The following ADGRL4 variants were observed in gnomAD, a reference collection of about 807,000 sequenced individuals.
The protein encoded by ADGRL4 is adhesion G protein-coupled receptor L4.
ADGRL4 carries 90 observed loss-of-function variants against 74.8 expected under a neutral mutation model. The observed-to-expected ratio is 1.20, with a 90% confidence interval of 1.02 to 1.43. ADGRL4 has a LOEUF of 1.43. Ranked by LOEUF, ADGRL4 falls within the 40% of genes most tolerant of loss-of-function variation. The probability of loss-of-function intolerance (pLI) is 0.00; values close to 1 mark genes in which losing one functional copy is unlikely to be tolerated. For missense variants in ADGRL4, 881 were observed against 814.3 expected (o/e 1.08, Z -1.00); for synonymous variants, 311 against 279.2 (o/e 1.11, Z -1.14).
intron 12 of ADGRL4, among the ~76,000 whole-genome samples, chr1:78,916,061 G>A (rs1204352182): frequency 6.6e-6 from 1 of 151,788 alleles, no homozygotes; most frequent in African/African-American, 2.4e-5. Context: ...CTAGAACAAT[G>A]TGACAGTGTT....
chr1:78,976,927 T>C (rs1414769660), intron 2 of ADGRL4, among the ~76,000 whole-genome samples: 3 of 151,836 alleles, frequency 2.0e-5, no homozygotes, highest in Non-Finnish European at 4.4e-5. Flanking sequence ...TTTTATCCTA[T>C]GAAGCCATCA....
chr1:78,894,987 C>T (rs1195448238), intron 12 of ADGRL4, among the ~76,000 whole-genome samples: 1 of 151,912 alleles, frequency 6.6e-6, no homozygotes, highest in Non-Finnish European at 1.5e-5. Flanking sequence ...ACATCACATG[C>T]TGAACTAGTG....
At chr1:78,922,009 CA>C (rs1340076873) in intron 8 of ADGRL4, among the ~76,000 whole-genome samples, 8 of 151,920 alleles carry the variant, frequency 5.3e-5, no homozygotes, top group African/African-American at 1.9e-4. Flanking sequence ...ATTTTCATTA[CA>C]GTAAATTACT....
chr1:78,896,129 T>C (rs1329561688), intron 12 of ADGRL4, among the ~76,000 whole-genome samples: 1 of 151,886 alleles, frequency 6.6e-6, no homozygotes, highest in Non-Finnish European at 1.5e-5. Context: ...CTTCCCTTTG[T>C]TTACTATACT....
At chr1:78,936,123 C>CAAAAAA (rs34223643) in intron 7 of ADGRL4, among the ~76,000 whole-genome samples, 172 bp downstream of exon 7, 4 of 19,332 alleles carry the variant, frequency 2.1e-4, no homozygotes, top group African/African-American at 3.3e-4. Flanking sequence ...GACTCCGTCT[C>CAAAAAA]AAAAAAAAAA....
At chr1:78,949,107 TG>T (rs1434153108) in intron 2 of ADGRL4, among the ~76,000 whole-genome samples, 2 of 152,132 alleles carry the variant, frequency 1.3e-5, no homozygotes, top group African/African-American at 2.4e-5. Context: ...CGATGAGGAT[TG>T]TATCCCTTGT....
chr1:78,902,103 A>G (rs939872405), intron 12 of ADGRL4, among the ~76,000 whole-genome samples: 3 of 152,182 alleles, frequency 2.0e-5, no homozygotes, highest in Non-Finnish European at 2.9e-5. Flanking sequence ...TAAACTCTTG[A>G]GATTTATACT....
chr1:78,969,818 T>C (rs1038393589), intron 2 of ADGRL4, among the ~76,000 whole-genome samples: 6 of 151,986 alleles, frequency 3.9e-5, no homozygotes, highest in African/African-American at 1.4e-4. Flanking sequence ...CATTTTAGAG[T>C]AACCCTTCTT....
chr1:78,946,546 T>C lies in ADGRL4; in HGVS notation c.173-120A>G, dbSNP rs752243044. On this transcript the variant is annotated intron_variant, in intron 2 of 14. Coordinates refer to ENST00000370742, the MANE Select transcript of ADGRL4 (RefSeq NM_022159.4). ...GTTTAAGGTATGTGATGTTTATATC[T>C]ACAAACCTTAGTGCTAAAGAATCCA... The C allele has an allele frequency of 8.0e-4, 610 of 766,632 alleles. 3 individuals carry two copies. Among genetic ancestry groups the C allele is most frequent in the South Asian group, 2.3e-3 (110 of 48,314 alleles). 47.5% of individuals were successfully genotyped at this position (766,632 alleles called of 1,614,324 possible).
intron 2 of ADGRL4, 136 bp from the exon 3 acceptor site, chr1:78,946,562 A>G (rs1330678899): frequency 1.5e-6 from 1 of 661,140 alleles, no homozygotes; most frequent in Non-Finnish European, 2.4e-6. Flanking sequence ...CCTTAGTGCT[A>G]AAGAATCCAT....
intron 7 of ADGRL4, among the ~76,000 whole-genome samples, chr1:78,932,406 T>C (rs916480633): frequency 1.3e-5 from 2 of 151,328 alleles, no homozygotes; most frequent in Non-Finnish European, 2.9e-5. Flanking sequence ...ACCAGATCTC[T>C]GGGACACAGT....
chr1:78,903,180 G>A (rs1285713538), intron 12 of ADGRL4, among the ~76,000 whole-genome samples: 3 of 152,114 alleles, frequency 2.0e-5, no homozygotes, highest in African/African-American at 7.2e-5. Flanking sequence ...GTTCCTCAAG[G>A]TGGAGGAATC....
At chr1:78,952,116 T>TA (rs34729733) in intron 2 of ADGRL4, among the ~76,000 whole-genome samples, 3 of 152,098 alleles carry the variant, frequency 2.0e-5, no homozygotes, top group Non-Finnish European at 2.9e-5. Flanking sequence ...GTCTTTTTTT[T>TA]ATCACTTGAG....
intron 2 of ADGRL4, among the ~76,000 whole-genome samples, chr1:78,991,173 T>G (rs914179768): frequency 6.6e-6 from 1 of 152,076 alleles, no homozygotes; most frequent in African/African-American, 2.4e-5. Context: ...TGTGTTCTTG[T>G]CCTTCAGAGG....
chr1:78,917,702 T>C lies in ADGRL4; in HGVS notation c.1683-2A>G, dbSNP rs1396383940. 1 of 1,605,818 alleles carries C rather than the reference T, an allele frequency of 6.2e-7. No homozygotes were observed. The stretch of plus-strand genomic sequence containing the variant: ...TTGTTTTCGGTGCTAAGCCAACATC[T>C]GAAAAGTAAATAAAAGATAGAATCT... On this transcript the variant is annotated splice_acceptor_variant, in intron 11 of 14. Coordinates refer to ENST00000370742, the MANE Select transcript of ADGRL4 (RefSeq NM_022159.4). LOFTEE classifies it high-confidence loss of function.
intron 2 of ADGRL4, among the ~76,000 whole-genome samples, chr1:78,990,319 G>T (rs1295482371): frequency 6.6e-6 from 1 of 151,712 alleles, no homozygotes; most frequent in Non-Finnish European, 1.5e-5. Flanking sequence ...CATTAGTTAA[G>T]AAATTGATAT....
At position 78,927,105 on chromosome 1, in the gene ADGRL4, A is replaced by C. The variant is rs771199505; in HGVS notation, c.878-14T>G. The C allele has an allele frequency of 4.7e-6, 7 of 1,496,778 alleles. No individual in the cohort carries two copies. The Admixed American group carries it at 1.2e-4, about 26-fold the overall frequency. 92.7% of individuals were successfully genotyped at this position (1,496,778 alleles called of 1,614,324 possible). A position where few individuals can be genotyped will look rare whatever the true frequency, so the allele number is the denominator to read the frequency against. ...CTGCAACATTGCCTATCAATCAAATAAGTATATTTAGTGAAATTCTTATAA... is the reference window on the plus strand; with the variant it reads ...CTGCAACATTGCCTATCAATCAAATCAGTATATTTAGTGAAATTCTTATAA... On this transcript the variant is annotated splice_polypyrimidine_tract_variant and intron_variant, in intron 7 of 14. Transcript: ENST00000370742.
chr1:78,895,815 T>C (rs1648385828), intron 12 of ADGRL4, among the ~76,000 whole-genome samples: 1 of 152,070 alleles, frequency 6.6e-6, no homozygotes, highest in African/African-American at 2.4e-5. Context: ...TTTGCTGTTT[T>C]GTTCAATAAT....
At chr1:78,918,085 G>A (rs1294221691) in intron 10 of ADGRL4, 35 bp from the exon 11 acceptor site, 8 of 1,489,032 alleles carry the variant, frequency 5.4e-6, no homozygotes, top group Non-Finnish European at 7.4e-6. Flanking sequence ...AACATTGTCA[G>A]TGTTTGTTTT....
Sources: allele counts gnomAD v4.1 joint callset (sites outside exome capture counted in the v4.1 genomes callset), GRCh38; gene constraint gnomAD v4.1.1; transcripts MANE v1.5; gene names NCBI Gene and HGNC (gene_info 2026-07-23, HGNC 2026-07-21).